LRRTM4: variants seen among roughly 807,000 people sequenced by gnomAD.
The protein encoded by LRRTM4 is leucine rich repeat transmembrane neuronal 4, also known as leucine-rich repeat transmembrane neuronal protein 4.
In LRRTM4, 25 loss-of-function variants were observed where a neutral mutation model predicts 47.6. The ratio of observed to expected loss-of-function variants is 0.53; its 90% confidence interval spans 0.38 to 0.73. LRRTM4 has a LOEUF of 0.73. Ranked by LOEUF, LRRTM4 falls within the 30% of genes least tolerant of loss-of-function variation. LRRTM4 has a pLI of 0.00. For synonymous variants in LRRTM4, 311 were observed against 269.5 expected, an observed-to-expected ratio of 1.15 and a Z score of -1.51; for missense variants, 638 against 713.4, an observed-to-expected ratio of 0.89 and a Z score of 1.20.
At chr2:76,816,616 A>G (rs1330698113) in intron 3 of LRRTM4, among the ~76,000 whole-genome samples, 1 of 151,748 alleles carries the variant, frequency 6.6e-6, no homozygotes, top group East Asian at 1.9e-4. Flanking sequence ...ATGTAACTCT[A>G]ATAATCAGCC....
chr2:77,208,964 C>G (rs1452057416), intron 3 of LRRTM4, among the ~76,000 whole-genome samples: 1 of 151,948 alleles, frequency 6.6e-6, no homozygotes. Context: ...TGATTCAGTA[C>G]TCACTTACAA....
At chr2:77,010,222 CG>C (rs1677817326) in intron 3 of LRRTM4, among the ~76,000 whole-genome samples, 1 of 151,812 alleles carries the variant, frequency 6.6e-6, no homozygotes. Context: ...GATGTGCAAT[CG>C]TTTTTTGGAA....
chr2:76,860,779 C>T (rs1001198888), intron 3 of LRRTM4, among the ~76,000 whole-genome samples: 1 of 151,646 alleles, frequency 6.6e-6, no homozygotes, highest in Non-Finnish European at 1.5e-5. Context: ...AATACACTTC[C>T]CCAGATTTAG....
chr2:76,876,865 T>C (rs2104083510), intron 3 of LRRTM4, among the ~76,000 whole-genome samples: 1 of 152,186 alleles, frequency 6.6e-6, no homozygotes, highest in South Asian at 2.1e-4. Flanking sequence ...CATTAATAAA[T>C]TGATAAGCCA....
intron 3 of LRRTM4, among the ~76,000 whole-genome samples, chr2:77,356,919 T>G (rs1056574936): frequency 1.6e-4 from 24 of 152,162 alleles, no homozygotes; most frequent in African/African-American, 5.3e-4. Context: ...TGAAAGAGTA[T>G]AATGTGTCTT....
intron 3 of LRRTM4, among the ~76,000 whole-genome samples, chr2:77,477,173 A>C (rs1020697464): frequency 3.3e-5 from 5 of 152,138 alleles, no homozygotes; most frequent in African/African-American, 9.7e-5. Context: ...ATGAAGATAG[A>C]GTGCACACGA....
At chr2:77,009,935 T>C (rs1163016676) in intron 3 of LRRTM4, 1 of 151,644 alleles carries the variant, frequency 6.6e-6, no homozygotes, top group Non-Finnish European at 1.5e-5. Context: ...CAGTCTTCCA[T>C]CATTAAACTT....
chr2:76,959,405 A>C (rs372745844), intron 3 of LRRTM4, among the ~76,000 whole-genome samples: 41 of 151,704 alleles, frequency 2.7e-4, no homozygotes, highest in African/African-American at 8.7e-4. Flanking sequence ...GATAAGACTG[A>C]TATCTAATAA....
chr2:77,283,840 T>G (rs1385862805), intron 3 of LRRTM4, among the ~76,000 whole-genome samples: 2 of 151,988 alleles, frequency 1.3e-5, no homozygotes, highest in Non-Finnish European at 2.9e-5. Context: ...GGAAGGTAAG[T>G]GGCAAGGGTT....
At chr2:77,174,074 T>C (rs1673126755) in intron 3 of LRRTM4, among the ~76,000 whole-genome samples, 1 of 152,048 alleles carries the variant, frequency 6.6e-6, no homozygotes, top group African/African-American at 2.4e-5. Context: ...GGAGGGACCC[T>C]AACTCTGCCC....
chr2:77,145,915 C>T (rs543644452), intron 3 of LRRTM4, among the ~76,000 whole-genome samples: 1 of 151,822 alleles, frequency 6.6e-6, no homozygotes, highest in Admixed American at 6.6e-5. Context: ...ATTATTCTTT[C>T]GAAAAAAAAT....
intron 3 of LRRTM4, among the ~76,000 whole-genome samples, chr2:76,774,204 T>C (rs1055234568): frequency 2.0e-5 from 3 of 151,938 alleles, no homozygotes; most frequent in African/African-American, 4.8e-5. Context: ...TTTTAGTTTT[T>C]AGATGGAGTC....
intron 3 of LRRTM4, among the ~76,000 whole-genome samples, chr2:77,205,405 T>C (rs778190200): frequency 7.2e-5 from 11 of 152,176 alleles, no homozygotes; most frequent in African/African-American, 1.7e-4. Flanking sequence ...TTAGATTTCA[T>C]AGATGGCCTG....
At chr2:76,991,859 T>C (rs1048999062) in intron 3 of LRRTM4, among the ~76,000 whole-genome samples, 1 of 151,822 alleles carries the variant, frequency 6.6e-6, no homozygotes, top group Non-Finnish European at 1.5e-5. Context: ...CCAATATCCC[T>C]GATGAACATA....
chr2:76,918,826 C>A (rs1015934942), intron 3 of LRRTM4, among the ~76,000 whole-genome samples: 1 of 152,146 alleles, frequency 6.6e-6, no homozygotes, highest in South Asian at 2.1e-4. Context: ...AGATTTCCCT[C>A]TGTTAAGAGC....
intron 3 of LRRTM4, among the ~76,000 whole-genome samples, chr2:77,090,634 T>C (rs898490890): frequency 1.3e-5 from 2 of 151,876 alleles, no homozygotes; most frequent in Non-Finnish European, 2.9e-5. Flanking sequence ...CAGAACCTCC[T>C]CCCCCAGGAG....
At chr2:77,522,006 C>T in intron 1 of LRRTM4, 103 bp downstream of exon 1, 1 of 691,854 alleles carries the variant, frequency 1.4e-6, no homozygotes, top group Non-Finnish European at 2.7e-6. Context: ...ACCAGAGACC[C>T]ATCAGCAGTA....
At chr2:76,807,997 G>A (rs1465932862) in intron 3 of LRRTM4, among the ~76,000 whole-genome samples, 1 of 79,876 alleles carries the variant, frequency 1.3e-5, no homozygotes, top group African/African-American at 5.0e-5. Context: ...TTTTCTTTCT[G>A]TCTCTTTTCT....
chr2:77,082,979 CAAT>C (rs1680581156), intron 3 of LRRTM4, among the ~76,000 whole-genome samples: 2 of 152,010 alleles, frequency 1.3e-5, no homozygotes, highest in African/African-American at 4.8e-5. Context: ...AAAAATTACT[CAAT>C]AATTTGATAT....
Sources: gnomAD v4.1 joint callset for allele counts (sites outside exome capture counted in the v4.1 genomes callset) on GRCh38, gnomAD v4.1.1 for gene constraint, MANE v1.5 for transcripts, NCBI Gene and HGNC (gene_info 2026-07-23, HGNC 2026-07-21) for gene names.